Variants in LHFPL3 observed in about 807,000 individuals in gnomAD.
LHFPL3 encodes LHFPL tetraspan subfamily member 3.
In LHFPL3, 5 loss-of-function variants were observed where a neutral mutation model predicts 19.3. The ratio of observed to expected loss-of-function variants is 0.26; its 90% CI spans 0.14 to 0.54. The LOEUF (loss-of-function observed/expected upper bound fraction) is 0.54. Ranked by LOEUF, LHFPL3 falls within the 20% of genes least tolerant of loss-of-function variation. LHFPL3 has a pLI of 0.94. For missense variants in LHFPL3, 249 were observed against 307.4 expected, an observed-to-expected ratio of 0.81 and a Z score of 1.42; for synonymous variants, 133 against 126.2, an observed-to-expected ratio of 1.05 and a Z score of -0.36.
At position 104,581,033 on chromosome 7, in the gene LHFPL3, TAAG is replaced by T. The variant is rs962466427; in HGVS notation, c.446-155638_446-155636del. ...GTGGATTTGTTCCATTTACCTATGG[TAAG>T]AAGCTAGGAATGGAATTACTAGATC... is the stretch of plus-strand genomic sequence containing the variant. On this transcript the variant is annotated intron_variant, in intron 1 of 2. Coordinates refer to ENST00000424859, the MANE Select transcript of LHFPL3 (RefSeq NM_199000.3). Among the ~76,000 whole-genome samples, 30 of 152,146 alleles carry T rather than the reference TAAG, an allele frequency of 2.0e-4. 1 individual carries two copies. Among genetic ancestry groups the T allele is most frequent in the Admixed American group, 1.8e-3 (28 of 15,254 alleles).
chr7:104,598,216 T>C (rs1790900553), intron 1 of LHFPL3, among the ~76,000 whole-genome samples: 1 of 152,168 alleles, frequency 6.6e-6, no homozygotes, highest in African/African-American at 2.4e-5. Flanking sequence ...GCACAAACAA[T>C]AGCCAACACC....
intron 2 of LHFPL3, among the ~76,000 whole-genome samples, chr7:104,885,668 A>G (rs918666746): frequency 3.3e-5 from 5 of 152,010 alleles, no homozygotes; most frequent in Non-Finnish European, 7.4e-5. Flanking sequence ...CTTCCAGACC[A>G]TGTCATCACC....
chr7:104,587,344 C>T (rs1351150160), intron 1 of LHFPL3, among the ~76,000 whole-genome samples: 1 of 152,128 alleles, frequency 6.6e-6, no homozygotes, highest in Admixed American at 6.5e-5. Context: ...TGTTCAATTC[C>T]GACGTATGAG....
intron 1 of LHFPL3, among the ~76,000 whole-genome samples, chr7:104,367,011 T>G (rs1779192088): frequency 6.6e-6 from 1 of 152,130 alleles, no homozygotes. Flanking sequence ...CGCAGCTTAC[T>G]TATGATTGTC....
intron 2 of LHFPL3, among the ~76,000 whole-genome samples, chr7:104,805,566 G>A (rs760532759): frequency 1.6e-4 from 25 of 152,004 alleles, no homozygotes; most frequent in African/African-American, 2.9e-4. Context: ...CCCCTGCTTC[G>A]TTCACCCCTT....
chr7:104,845,624 A>C, intron 2 of LHFPL3: 1 of 247,214 alleles, frequency 4.0e-6, no homozygotes, highest in Non-Finnish European at 6.4e-6. Flanking sequence ...CTCTCCCACA[A>C]TCCCTGGCAC....
chr7:104,869,796 G>GTT (rs1433128325), intron 2 of LHFPL3, among the ~76,000 whole-genome samples: 1 of 152,154 alleles, frequency 6.6e-6, no homozygotes, highest in African/African-American at 2.4e-5. Flanking sequence ...GCACACGTAT[G>GTT]TTTATTGCGG....
At chr7:104,532,307 T>A (rs1794312984) in intron 1 of LHFPL3, among the ~76,000 whole-genome samples, 1 of 140,724 alleles carries the variant, frequency 7.1e-6, no homozygotes, top group Admixed American at 7.8e-5. Context: ...TTTTTTTCTT[T>A]TTCTTTCTGT....
At chr7:104,510,255 A>G (rs548244746) in intron 1 of LHFPL3, among the ~76,000 whole-genome samples, 1 of 152,172 alleles carries the variant, frequency 6.6e-6, no homozygotes, top group Non-Finnish European at 1.5e-5. Context: ...TTGAAAGGCA[A>G]AGAAACTGGA....
chr7:104,501,519 G>C (rs1043001280), intron 1 of LHFPL3, among the ~76,000 whole-genome samples: 7 of 152,132 alleles, frequency 4.6e-5, no homozygotes, highest in African/African-American at 1.4e-4. Flanking sequence ...TTTTATTGCT[G>C]TGAATTGTAG....
intron 1 of LHFPL3, among the ~76,000 whole-genome samples, chr7:104,562,287 T>C (rs1790021419): frequency 6.6e-6 from 1 of 152,066 alleles, no homozygotes; most frequent in Non-Finnish European, 1.5e-5. Context: ...TTTTCCAACT[T>C]GGTTCCATTC....
intron 1 of LHFPL3, among the ~76,000 whole-genome samples, chr7:104,391,814 T>G (rs917575865): frequency 1.3e-5 from 2 of 152,250 alleles, no homozygotes; most frequent in African/African-American, 4.8e-5. Flanking sequence ...TTCCTATCCA[T>G]GAGCATGGAA....
intron 1 of LHFPL3, among the ~76,000 whole-genome samples, chr7:104,677,372 A>G (rs558244998): frequency 6.6e-6 from 1 of 151,990 alleles, no homozygotes; most frequent in Non-Finnish European, 1.5e-5. Context: ...TCTTAAAAAA[A>G]AAAAAAGGAA....
Position 104,430,275 on chromosome 7 carries a change from G to A in LHFPL3, c.445+101051G>A, listed in dbSNP as rs1479343936. On this transcript the variant is annotated intron_variant, in intron 1 of 2. Coordinates refer to ENST00000424859, the MANE Select transcript of LHFPL3 (RefSeq NM_199000.3). ...AGTAGGAAAGTATGGACCAAGACAA[G>A]GACTTAAGGCAAGGCACCTCTTTCT... Among the ~76,000 whole-genome samples the A allele has an allele frequency of 4.1e-5, 6 of 147,420 alleles. 1 individual carries two copies. Among genetic ancestry groups the A allele is most frequent in the Non-Finnish European group, 6.0e-5 (4 of 67,128 alleles).
At chr7:104,564,145 G>C (rs1257107487) in intron 1 of LHFPL3, among the ~76,000 whole-genome samples, 2 of 152,068 alleles carry the variant, frequency 1.3e-5, no homozygotes, top group African/African-American at 4.8e-5. Context: ...ACCCATCCTA[G>C]GTCACACACC....
At chr7:104,429,480 G>T (rs909815762) in intron 1 of LHFPL3, among the ~76,000 whole-genome samples, 31 of 140,512 alleles carry the variant, frequency 2.2e-4, no homozygotes, top group Middle Eastern at 3.5e-3. Context: ...GCTATTTTTT[G>T]TTTTGTTTTT....
At chr7:104,332,317 C>T (rs1801586075) in intron 1 of LHFPL3, among the ~76,000 whole-genome samples, 1 of 138,586 alleles carries the variant, frequency 7.2e-6, no homozygotes, top group South Asian at 2.4e-4. Context: ...GAAACCTCTA[C>T]CTCCTGAGTT....
At position 104,838,232 on chromosome 7, in the gene LHFPL3, C is replaced by G. The variant is rs73417643; in HGVS notation, c.683-67955C>G. On this transcript the variant is annotated intron_variant, in intron 2 of 2. Coordinates refer to ENST00000424859, the MANE Select transcript of LHFPL3 (RefSeq NM_199000.3). ...CAGAAGTCCTTTGTGCCACACCTGC[C>G]CTCTCTAACTAATTCTAATCTATCT... is the stretch of plus-strand genomic sequence containing the variant. Among the ~76,000 whole-genome samples the G allele has an allele frequency of 6.4e-3, 974 of 152,210 alleles. 15 individuals are homozygous for G. Among genetic ancestry groups the G allele is most frequent in the African/African-American group, 0.023 (936 of 41,520 alleles).
chr7:104,453,137 C>G (rs569779078), intron 1 of LHFPL3, among the ~76,000 whole-genome samples: 53 of 151,778 alleles, frequency 3.5e-4, no homozygotes, highest in African/African-American at 1.3e-3. Flanking sequence ...CTGAGACTTG[C>G]TTGTGTAAAA....
Sources: gnomAD v4.1 joint callset for allele counts (sites outside exome capture counted in the v4.1 genomes callset) on GRCh38, gnomAD v4.1.1 for gene constraint, MANE v1.5 for transcripts, NCBI Gene and HGNC (gene_info 2026-07-23, HGNC 2026-07-21) for gene names.